The following BLMH variants were observed in gnomAD, a reference collection of about 807,000 sequenced individuals.
BLMH encodes the protein BLM hydrolase.
A neutral mutation model predicts 61.6 loss-of-function variants in BLMH; 32 were observed. The observed-to-expected ratio is 0.52, with a 90% confidence interval of 0.39 to 0.70. The LOEUF (loss-of-function observed/expected upper bound fraction) is 0.70, where lower values mean the gene tolerates loss of function less well. Ranked by LOEUF, BLMH falls within the 30% of genes least tolerant of loss-of-function variation. The pLI, the probability that BLMH is intolerant of heterozygous loss-of-function variation, is 0.00. For missense variants in BLMH, 460 were observed against 555.5 expected (o/e 0.83, Z 1.73); for synonymous variants, 183 against 193.8 (o/e 0.94, Z 0.46).
chr17:30,269,035 G>A (rs1272425134), intron 10 of BLMH, among the ~76,000 whole-genome samples: 1 of 150,648 alleles, frequency 6.6e-6, no homozygotes, highest in African/African-American at 2.4e-5. Context: ...GCAAGACTCA[G>A]TCTCAAAAAA....
Position 30,291,457 on chromosome 17 carries a change from G to A in BLMH, c.65C>T (p.Pro22Leu), listed in dbSNP as rs1000532357. 3.1e-6 allele frequency: 5 copies of A among 1,614,222 alleles called. No homozygotes were observed. Among genetic ancestry groups the A allele is most frequent in the Non-Finnish European group, 4.2e-6 (5 of 1,180,044 alleles). The change falls in exon 2 of 12, where the codon CCC (proline) becomes CTC (leucine). Residue 22 changes from proline to leucine, a missense_variant. Pro to Leu is a moderately conservative substitution (Grantham distance 98). This residue lies in a region of BLMH where 86 missense variants were observed against 84.5 expected (regional missense o/e 1.02). Transcript: ENST00000261714. ...GACATTCTGGGCAAGTACGAACTGG[G>A]GGTCGGAATTCAGTTTCTGTATCAG... ...AALIQKLNSDPQFVLAQNVGT... is the reference protein window; with the variant it reads ...AALIQKLNSDLQFVLAQNVGT...
chr17:30,280,193 T>C (rs3110098), intron 6 of BLMH, among the ~76,000 whole-genome samples: 145,194 of 152,246 alleles, frequency 0.95, 69,702 homozygotes, highest in Middle Eastern at 1. Flanking sequence ...ATAATTCTTC[T>C]GCTTAAAAAT....
intron 6 of BLMH, among the ~76,000 whole-genome samples, chr17:30,280,953 A>C (rs2143028637): frequency 6.6e-6 from 1 of 152,316 alleles, no homozygotes; most frequent in African/African-American, 2.4e-5. Context: ...AGAAGGAGTA[A>C]GGAACCTACC....
At chr17:30,282,521 A>G (rs1908620468) in intron 6 of BLMH, among the ~76,000 whole-genome samples, 1 of 152,124 alleles carries the variant, frequency 6.6e-6, no homozygotes, top group South Asian at 2.1e-4. Context: ...CCCAACTGAG[A>G]ATACATTAAT....
Position 30,291,167 on chromosome 17 carries a change from G to T in BLMH, c.211+144C>A, listed in dbSNP as rs542844247. On this transcript the variant is annotated intron_variant, in intron 2 of 11. Coordinates refer to ENST00000261714, the MANE Select transcript of BLMH (RefSeq NM_000386.4). ...ACAAACCACATGGGTAATGTTCTTA[G>T]ACCTGCCTGTACCTGTGCCTCATTC... 3.9e-4 allele frequency: 398 copies of T among 1,025,176 alleles called. 2 individuals carry two copies. The Middle Eastern group carries it at 5.4e-3, about 14-fold the overall frequency. The allele number at this position is 1,025,176 out of a possible 1,614,324, so 63.5% of individuals were successfully genotyped here.
intron 6 of BLMH, among the ~76,000 whole-genome samples, chr17:30,276,362 T>A (rs181320340): frequency 3.9e-5 from 6 of 152,326 alleles, no homozygotes; most frequent in African/African-American, 1.4e-4. Context: ...GAATTAGGAT[T>A]TGAACTTAGG....
chr17:30,263,723 T>A (rs1908024454), intron 11 of BLMH, among the ~76,000 whole-genome samples: 1 of 152,244 alleles, frequency 6.6e-6, no homozygotes, highest in Admixed American at 6.5e-5. Flanking sequence ...GCCATGAACA[T>A]GACCAATGGG....
intron 11 of BLMH, among the ~76,000 whole-genome samples, chr17:30,264,674 C>T (rs1298519244): frequency 3.3e-5 from 5 of 152,176 alleles, no homozygotes; most frequent in Admixed American, 2.6e-4. Context: ...CTCATCTAAA[C>T]AAATATAACT....
At chr17:30,260,749 G>A (rs1279838192) in intron 11 of BLMH, among the ~76,000 whole-genome samples, 2 of 152,098 alleles carry the variant, frequency 1.3e-5, no homozygotes, top group East Asian at 1.9e-4. Flanking sequence ...TGGGCATGGT[G>A]GCAGGCACCT....
intron 6 of BLMH, among the ~76,000 whole-genome samples, chr17:30,282,713 C>T (rs1041126002): frequency 1.3e-5 from 2 of 152,190 alleles, no homozygotes; most frequent in South Asian, 4.1e-4. Context: ...CTGAGCTTCA[C>T]GGCTGTTGAT....
chr17:30,283,318 A>G (rs1432951363), intron 6 of BLMH, among the ~76,000 whole-genome samples: 1 of 152,174 alleles, frequency 6.6e-6, no homozygotes, highest in African/African-American at 2.4e-5. Context: ...AAAATATGTG[A>G]AACATATCTG....
At chr17:30,276,236 A>G (rs1461733059) in intron 6 of BLMH, among the ~76,000 whole-genome samples, 4 of 152,178 alleles carry the variant, frequency 2.6e-5, no homozygotes, top group Non-Finnish European at 5.9e-5. Flanking sequence ...TTTCACTACC[A>G]TATTTCTTAA....
At chr17:30,291,275 G>C (rs752599913) in intron 2 of BLMH, 36 bp downstream of exon 2, 2 of 1,588,632 alleles carry the variant, frequency 1.3e-6, no homozygotes, top group South Asian at 2.2e-5. Context: ...CTGTCAGGAA[G>C]GTCAAGGAAC....
intron 6 of BLMH, among the ~76,000 whole-genome samples, chr17:30,281,326 A>G (rs967554821): frequency 2.6e-5 from 4 of 152,022 alleles, no homozygotes; most frequent in Non-Finnish European, 5.9e-5. Flanking sequence ...AGAAATGCGG[A>G]CTATCTGGCC....
chr17:30,291,185 C>T, intron 2 of BLMH, 126 bp downstream of exon 2: 6 of 1,203,390 alleles, frequency 5.0e-6, no homozygotes, highest in South Asian at 1.4e-5. Flanking sequence ...TGTACCTGTG[C>T]CTCATTCTTT....
chr17:30,260,361 A>G (rs943230487), intron 11 of BLMH, among the ~76,000 whole-genome samples: 13 of 152,202 alleles, frequency 8.5e-5, no homozygotes, highest in African/African-American at 3.1e-4. Context: ...TCTACATTCA[A>G]TATGAGGAGA....
At chr17:30,255,680 C>T (rs758553959) in intron 11 of BLMH, among the ~76,000 whole-genome samples, 3 of 152,138 alleles carry the variant, frequency 2.0e-5, no homozygotes, top group Admixed American at 6.5e-5. Context: ...GGGCAGATCA[C>T]AAGGTCAGGA....
At position 30,248,971 on chromosome 17, in the gene BLMH, AG is replaced by A. The variant is rs1907601305; in HGVS notation, c.*45del. On this transcript the variant is annotated 3_prime_UTR_variant, in exon 12 of 12. Coordinates refer to ENST00000261714, the MANE Select transcript of BLMH (RefSeq NM_000386.4). ...TTCAGTCCCTGGATCTGTCCTTTGC[AG>A]CTACGTCAGGTTCCATGGAAGGAGG... 1.9e-6 allele frequency: 3 copies of A among 1,607,312 alleles called. No homozygotes were observed. Among genetic ancestry groups the A allele is most frequent in the Non-Finnish European group, 2.5e-6 (3 of 1,176,726 alleles).
intron 3 of BLMH, among the ~76,000 whole-genome samples, chr17:30,288,622 C>T (rs573796574): frequency 1.3e-5 from 2 of 152,114 alleles, no homozygotes; most frequent in Non-Finnish European, 2.9e-5. Context: ...GCTGGGATTA[C>T]AGGCATGAGC....
Sources: allele counts gnomAD v4.1 joint callset (sites outside exome capture counted in the v4.1 genomes callset), GRCh38; gene constraint gnomAD v4.1.1; regional missense constraint gnomAD v4.1.1; transcripts MANE v1.5; gene names NCBI Gene and HGNC (gene_info 2026-07-23, HGNC 2026-07-21).